The following NRXN3 variants were observed in gnomAD, a reference collection of about 807,000 sequenced individuals.
The protein encoded by NRXN3 is neurexin 3.
In NRXN3, 32 loss-of-function variants were observed where a neutral mutation model predicts 137.6. The ratio of observed to expected loss-of-function variants is 0.23; its 90% CI spans 0.18 to 0.31. The LOEUF (loss-of-function observed/expected upper bound fraction) is 0.31, where lower values mean the gene tolerates loss of function less well. Ranked by LOEUF, NRXN3 falls within the 10% of genes least tolerant of loss-of-function variation. The pLI, the probability that NRXN3 is intolerant of heterozygous loss-of-function variation, is 1.00. For missense variants in NRXN3, 1,574 were observed against 2,062.5 expected (o/e 0.76, Z 4.59); for synonymous variants, 798 against 784.5 (o/e 1.02, Z -0.29).
At chr14:78,970,772 A>G (rs1043497339) in intron 14 of NRXN3, among the ~76,000 whole-genome samples, 24 of 152,292 alleles carry the variant, frequency 1.6e-4, no homozygotes, top group Non-Finnish European at 3.1e-4. Flanking sequence ...CACATGCATT[A>G]CAGAGAGCTC....
intron 15 of NRXN3, among the ~76,000 whole-genome samples, chr14:79,165,540 T>C (rs2061206021): frequency 6.6e-6 from 1 of 152,052 alleles, no homozygotes; most frequent in East Asian, 1.9e-4. Flanking sequence ...ACTGGGAATC[T>C]ATGCAGACAC....
At chr14:79,620,539 G>A (rs1048928164) in intron 16 of NRXN3, among the ~76,000 whole-genome samples, 3 of 152,062 alleles carry the variant, frequency 2.0e-5, no homozygotes, top group Non-Finnish European at 4.4e-5. Context: ...AAAAGATGAC[G>A]ACATTTTAAA....
At chr14:78,675,568 G>A (rs1567034346) in intron 6 of NRXN3, among the ~76,000 whole-genome samples, 1 of 152,094 alleles carries the variant, frequency 6.6e-6, no homozygotes, top group South Asian at 2.1e-4. Flanking sequence ...AAAGCTTAAG[G>A]ATACAGTGAG....
chr14:79,253,798 A>G (rs1015191984), intron 15 of NRXN3, among the ~76,000 whole-genome samples: 2 of 152,168 alleles, frequency 1.3e-5, no homozygotes, highest in Admixed American at 6.5e-5. Flanking sequence ...CCCACAATCT[A>G]ATCACCTCCC....
At chr14:78,610,035 GGA>G (rs143182887) in intron 4 of NRXN3, among the ~76,000 whole-genome samples, 27 of 148,230 alleles carry the variant, frequency 1.8e-4, no homozygotes, top group South Asian at 2.2e-4. Context: ...AGAGAGGGAG[GGA>G]GAGAGAGAGA....
At chr14:79,263,817 A>C (rs1437633219) in intron 15 of NRXN3, among the ~76,000 whole-genome samples, 1 of 151,348 alleles carries the variant, frequency 6.6e-6, no homozygotes, top group Non-Finnish European at 1.5e-5. Flanking sequence ...TATGTACTAC[A>C]CAACTCCGGG....
intron 4 of NRXN3, among the ~76,000 whole-genome samples, chr14:78,478,516 A>C (rs1289637106): frequency 1.3e-5 from 2 of 152,174 alleles, no homozygotes; most frequent in African/African-American, 2.4e-5. Flanking sequence ...CCCACAGGGT[A>C]ACTATGTTTT....
At chr14:79,600,995 A>T (rs1184594395) in intron 16 of NRXN3, among the ~76,000 whole-genome samples, 2 of 151,514 alleles carry the variant, frequency 1.3e-5, no homozygotes, top group African/African-American at 4.9e-5. Context: ...TGTTCTTAAC[A>T]ATCTTCTTCA....
At position 78,305,998 on chromosome 14, in the gene NRXN3, A is replaced by G. The variant is rs183216728; in HGVS notation, c.757+8138A>G. Among the ~76,000 whole-genome samples, 627 of 152,312 alleles carry G rather than the reference A, an allele frequency of 4.1e-3. 4 individuals carry two copies. The highest frequency in any genetic ancestry group is 6.2e-3 in the Non-Finnish European group (419 of 68,018). On this transcript the variant is annotated intron_variant, in intron 4 of 20. Coordinates refer to ENST00000335750, the MANE Select transcript of NRXN3 (RefSeq NM_001330195.2). ...GATGTCTTTGAGACGGTGCTTGAAA[A>G]ATATGAAAAGTGTGTTTTTTTCTTG...
At chr14:79,131,075 T>G (rs982765152) in intron 15 of NRXN3, among the ~76,000 whole-genome samples, 32 of 152,322 alleles carry the variant, frequency 2.1e-4, no homozygotes, top group Non-Finnish European at 4.0e-4. Context: ...TAGTTATATA[T>G]TCTTCTAAAC....
At chr14:79,154,698 A>G (rs1314800549) in intron 15 of NRXN3, among the ~76,000 whole-genome samples, 1 of 151,868 alleles carries the variant, frequency 6.6e-6, no homozygotes, top group African/African-American at 2.4e-5. Flanking sequence ...ATATCATGAG[A>G]CTTTGTGACG....
intron 15 of NRXN3, among the ~76,000 whole-genome samples, chr14:79,206,069 T>C (rs2066739437): frequency 6.6e-6 from 1 of 152,202 alleles, no homozygotes; most frequent in African/African-American, 2.4e-5. Flanking sequence ...TCATTCATTT[T>C]TCTGTCTGTT....
At chr14:79,317,258 G>C (rs1176012050) in intron 15 of NRXN3, among the ~76,000 whole-genome samples, 1 of 152,060 alleles carries the variant, frequency 6.6e-6, no homozygotes, top group Non-Finnish European at 1.5e-5. Context: ...AGTGTTGGCG[G>C]GGCCAAGATC....
intron 15 of NRXN3, among the ~76,000 whole-genome samples, chr14:79,101,288 C>A (rs2051250539): frequency 6.6e-6 from 1 of 152,130 alleles, no homozygotes; most frequent in African/African-American, 2.4e-5. Flanking sequence ...AATTGTCACA[C>A]CATTTATGTG....
intron 4 of NRXN3, among the ~76,000 whole-genome samples, chr14:78,558,985 C>T (rs1461648097): frequency 2.0e-5 from 3 of 152,194 alleles, no homozygotes; most frequent in Admixed American, 6.5e-5. Flanking sequence ...GGCTCAGACA[C>T]ATATCTCACA....
In NRXN3 at chr14:79,378,771, A is replaced by G. The variant is rs185181350; in HGVS notation, c.3263-88450A>G. On this transcript the variant is annotated intron_variant, in intron 15 of 20. Transcript: ENST00000335750. ...CATTTATTTTTTGAATGAATGGATA[A>G]TGATTAAAATTGAGGTTTTTATCTC... 3.0e-3 allele frequency among the ~76,000 whole-genome samples: 455 copies of G among 152,222 alleles called. 3 individuals are homozygous for G. The highest frequency in any genetic ancestry group is 0.01 in the African/African-American group (434 of 41,532).
intron 20 of NRXN3, among the ~76,000 whole-genome samples, chr14:79,836,434 T>C (rs2099343892): frequency 6.8e-6 from 1 of 147,138 alleles, no homozygotes; most frequent in African/African-American, 2.5e-5. Flanking sequence ...GTATCAAGCC[T>C]GGCTCATGAG....
In NRXN3 at chr14:79,161,310, T is replaced by C. The variant is rs566334185; in HGVS notation, c.3262+173169T>C. On this transcript the variant is annotated intron_variant, in intron 15 of 20. Coordinates refer to ENST00000335750, the MANE Select transcript of NRXN3 (RefSeq NM_001330195.2). ...GAAGAATTATTTGTAAGATAGATAC[T>C]TGGAGAAGTTTATACTCACTTCCTA... is the stretch of plus-strand genomic sequence containing the variant. Among the ~76,000 whole-genome samples, 14 of 152,050 alleles carry C rather than the reference T, an allele frequency of 9.2e-5. No individual in the cohort carries two copies. The South Asian group carries it at 2.7e-3, about 29-fold the overall frequency.
intron 15 of NRXN3, among the ~76,000 whole-genome samples, chr14:79,056,421 TA>T (rs2099663327): frequency 6.6e-6 from 1 of 152,160 alleles, no homozygotes; most frequent in Non-Finnish European, 1.5e-5. Flanking sequence ...GTTACATTTT[TA>T]AATGATGTGC....
Sources: gnomAD v4.1 joint callset for allele counts (sites outside exome capture counted in the v4.1 genomes callset) on GRCh38, gnomAD v4.1.1 for gene constraint, MANE v1.5 for transcripts, NCBI Gene and HGNC (gene_info 2026-07-23, HGNC 2026-07-21) for gene names.